PCSK5: variants seen among roughly 807,000 people sequenced by gnomAD.
The protein encoded by PCSK5 is proprotein convertase subtilisin/kexin type 5.
In PCSK5, 129 loss-of-function variants were observed where a neutral mutation model predicts 233.2. The ratio of observed to expected loss-of-function variants is 0.55; its 90% CI spans 0.48 to 0.64. The LOEUF is 0.64. PCSK5 is among the 30% of genes least tolerant of loss of function. The pLI, the probability that PCSK5 is intolerant of heterozygous loss-of-function variation, is 0.00. For missense variants in PCSK5, 2,076 were observed against 2,430.1 expected (o/e 0.85, Z 3.06); for synonymous variants, 825 against 879.2 (o/e 0.94, Z 1.09).
At chr9:75,986,372 C>G (rs775390923) in intron 3 of PCSK5, 127 bp downstream of exon 3, 18 of 617,156 alleles carry the variant, frequency 2.9e-5, no homozygotes, top group Admixed American at 1.4e-4. Flanking sequence ...TTAATACCCA[C>G]CATTTGAGAT....
In PCSK5 at chr9:76,059,001, AAAG is replaced by A. The variant is rs1829929773; in HGVS notation, c.633-8951_633-8949del. Among the ~76,000 whole-genome samples, 3 of 152,308 alleles carry A rather than the reference AAAG, an allele frequency of 2.0e-5. No individual in the cohort carries two copies. In the South Asian group the frequency reaches 6.2e-4, roughly 32 times the overall value. On this transcript the variant is annotated intron_variant, in intron 5 of 37. Transcript: ENST00000674117. ...CCCACTTCCCCACACAGACGAAAAAAAAGAAAGAAAAGAAATGTATAACAATCT... is the reference window on the plus strand; with the variant it reads ...CCCACTTCCCCACACAGACGAAAAAAAAAGAAAAGAAATGTATAACAATCT...
At position 75,891,072 on chromosome 9, in the gene PCSK5, CGGCGGCCCGGGGCTGCTCGCCG is replaced by C; in HGVS notation, c.-103_-82del. On this transcript the variant is annotated 5_prime_UTR_variant, in exon 1 of 38. Coordinates refer to ENST00000674117, the MANE Select transcript of PCSK5 (RefSeq NM_001372043.1). ...GCCGATCGCCCGGGGCTGCGAGCTG[CGGCGGCCCGGGGCTGCTCGCCG>C]GGCGGCGCAGGCCGGAGAAGTTAGT... 1 of 1,033,040 alleles carries C rather than the reference CGGCGGCCCGGGGCTGCTCGCCG, an allele frequency of 9.7e-7. No homozygotes were observed. 64.0% of individuals were successfully genotyped at this position (1,033,040 alleles called of 1,614,324 possible). A position where few individuals can be genotyped will look rare whatever the true frequency, so the allele number is the denominator to read the frequency against.
At chr9:76,021,401 CAA>C (rs1171526352) in intron 3 of PCSK5, among the ~76,000 whole-genome samples, 12 of 151,454 alleles carry the variant, frequency 7.9e-5, no homozygotes, top group Admixed American at 7.9e-4. Context: ...AGAGAAGAGA[CAA>C]AGACAAGTAG....
rs995990828 is a variant in PCSK5, at chr9:76,321,643, C to A, written c.4102+4C>A. The stretch of plus-strand genomic sequence containing the variant: ...ATCCATGAGAAAACATGCAAAGGTA[C>A]CTAGGAGCTTCCCACAGGAGAGCAA... On this transcript the variant is annotated splice_donor_region_variant and intron_variant, in intron 31 of 37. Coordinates refer to ENST00000674117, the MANE Select transcript of PCSK5 (RefSeq NM_001372043.1). 3.1e-6 allele frequency: 5 copies of A among 1,596,968 alleles called. No homozygotes were observed. Among genetic ancestry groups the A allele is most frequent in the Non-Finnish European group, 4.3e-6 (5 of 1,166,434 alleles).
intron 24 of PCSK5, among the ~76,000 whole-genome samples, chr9:76,244,614 C>T (rs1587798392): frequency 7.5e-6 from 1 of 133,804 alleles, no homozygotes; most frequent in African/African-American, 2.8e-5. Flanking sequence ...ATTTAGTGAA[C>T]ATTAATATCT....
At chr9:76,190,358 A>G (rs1824312611) in intron 20 of PCSK5, among the ~76,000 whole-genome samples, 1 of 148,952 alleles carries the variant, frequency 6.7e-6, no homozygotes, top group East Asian at 2.0e-4. Flanking sequence ...TACAGTCTCC[A>G]TAGATTTGCC....
intron 20 of PCSK5, among the ~76,000 whole-genome samples, chr9:76,223,253 C>A (rs1196327306): frequency 6.6e-6 from 1 of 152,150 alleles, no homozygotes; most frequent in East Asian, 1.9e-4. Flanking sequence ...ATAAATTTAG[C>A]TGTAACCAAT....
intron 24 of PCSK5, among the ~76,000 whole-genome samples, chr9:76,281,014 G>A (rs1274405207): frequency 6.6e-6 from 1 of 152,148 alleles, no homozygotes; most frequent in Non-Finnish European, 1.5e-5. Flanking sequence ...GAGAGGTAAG[G>A]AAGCTACAGA....
At chr9:75,956,634 T>C (rs1200581979) in intron 2 of PCSK5, among the ~76,000 whole-genome samples, 2 of 152,178 alleles carry the variant, frequency 1.3e-5, no homozygotes, top group Non-Finnish European at 2.9e-5. Flanking sequence ...TTTATAGATA[T>C]AAGATTTAAG....
chr9:76,081,047 C>T (rs1830814727), intron 7 of PCSK5, among the ~76,000 whole-genome samples: 2 of 152,156 alleles, frequency 1.3e-5, no homozygotes, highest in South Asian at 4.1e-4. Context: ...AAGTATATGG[C>T]ATAAACCACT....
intron 29 of PCSK5, 127 bp from the exon 30 acceptor site, chr9:76,310,529 A>T (rs1828835160): frequency 1.9e-6 from 1 of 523,342 alleles, no homozygotes; most frequent in African/African-American, 1.9e-5. Context: ...ATCACTAGCA[A>T]ATATTTTGGT....
intron 35 of PCSK5, among the ~76,000 whole-genome samples, chr9:76,344,942 G>C (rs771714436): frequency 4.0e-4 from 61 of 152,128 alleles, no homozygotes; most frequent in Non-Finnish European, 7.6e-4. Flanking sequence ...TAAATGATTC[G>C]TGATATTGTA....
chr9:76,318,717 G>T (rs1829104148), intron 30 of PCSK5, among the ~76,000 whole-genome samples: 1 of 152,132 alleles, frequency 6.6e-6, no homozygotes, highest in Non-Finnish European at 1.5e-5. Context: ...TCATATGTAT[G>T]CATTTGAAAA....
At chr9:75,916,016 T>C (rs1289244702) in intron 1 of PCSK5, among the ~76,000 whole-genome samples, 2 of 152,212 alleles carry the variant, frequency 1.3e-5, no homozygotes, top group African/African-American at 4.8e-5. Flanking sequence ...ATTTGACATA[T>C]ATTTAAGACT....
At chr9:76,109,212 A>G (rs1346699154) in intron 9 of PCSK5, among the ~76,000 whole-genome samples, 1 of 152,112 alleles carries the variant, frequency 6.6e-6, no homozygotes, top group East Asian at 1.9e-4. Flanking sequence ...TCTACCCAGG[A>G]TTTTTGAAAA....
intron 5 of PCSK5, among the ~76,000 whole-genome samples, chr9:76,042,865 G>A (rs1229985669): frequency 6.6e-6 from 1 of 152,188 alleles, no homozygotes; most frequent in Non-Finnish European, 1.5e-5. Flanking sequence ...CATCGCAACA[G>A]CCTGTAATTC....
At position 76,362,717 on chromosome 9, in the gene PCSK5, A is replaced by G. The variant is rs1830449527; in HGVS notation, c.*3795A>G. ...AGATCGACCTCTGACCTAACCGGTTATGTTATCTATAGATTCCAGACATTG... is the reference window on the plus strand; with the variant it reads ...AGATCGACCTCTGACCTAACCGGTTGTGTTATCTATAGATTCCAGACATTG... On this transcript the variant is annotated 3_prime_UTR_variant, in exon 38 of 38. Transcript: ENST00000674117. Among the ~76,000 whole-genome samples the G allele has an allele frequency of 1.3e-5, 2 of 152,236 alleles. No individual in the cohort carries two copies.
chr9:76,229,194 A>G (rs1347417850), intron 21 of PCSK5, among the ~76,000 whole-genome samples: 1 of 152,244 alleles, frequency 6.6e-6, no homozygotes, highest in Non-Finnish European at 1.5e-5. Flanking sequence ...GACTTACTCT[A>G]AGATACAGAT....
chr9:75,932,364 A>C lies in PCSK5; in HGVS notation c.193-15A>C. On this transcript the variant is annotated splice_polypyrimidine_tract_variant and intron_variant, in intron 1 of 37. Coordinates refer to ENST00000674117, the MANE Select transcript of PCSK5 (RefSeq NM_001372043.1). Reference sequence around the variant, plus strand: ...GTCTTTTTTTTGTTCTTTCCTTCCCACCCTTCCTTTGCAGATAGGGGCCCT... The same window carrying C: ...GTCTTTTTTTTGTTCTTTCCTTCCCCCCCTTCCTTTGCAGATAGGGGCCCT... 1 of 1,467,266 alleles carries C rather than the reference A, an allele frequency of 6.8e-7. No individual in the cohort carries two copies. The highest frequency in any genetic ancestry group is 9.5e-7 in the Non-Finnish European group (1 of 1,050,170). 90.9% of individuals were successfully genotyped at this position (1,467,266 alleles called of 1,614,324 possible).
Sources: gnomAD v4.1 joint callset for allele counts (sites outside exome capture counted in the v4.1 genomes callset) on GRCh38, gnomAD v4.1.1 for gene constraint, MANE v1.5 for transcripts, NCBI Gene and HGNC (gene_info 2026-07-23, HGNC 2026-07-21) for gene names.